KLF13: variants seen among roughly 807,000 people sequenced by gnomAD.
KLF13 encodes the protein KLF transcription factor 13.
In KLF13, 8 loss-of-function variants were observed where a neutral mutation model predicts 16.7. That is an observed-to-expected ratio of 0.48 (90% CI 0.28 to 0.87). The LOEUF is 0.87. KLF13 is among the 40% of genes least tolerant of loss of function. The pLI is 0.10. For missense variants in KLF13, 447 were observed against 452.2 expected (o/e 0.99, Z 0.10); for synonymous variants, 245 against 208.4 (o/e 1.18, Z -1.51).
At chr15:31,368,638 G>A (rs983685012) in intron 1 of KLF13, among the ~76,000 whole-genome samples, 2 of 152,172 alleles carry the variant, frequency 1.3e-5, no homozygotes, top group Admixed American at 1.3e-4. Flanking sequence ...CAGATCACTT[G>A]AGGTCAGGAG....
Position 31,372,125 on chromosome 15 carries a change from C to T in KLF13, c.693C>T (p.Ile231=). The change falls in exon 2 of 2, where the codon ATC becomes ATT. Residue 231 remains isoleucine (I), a synonymous_variant. Transcript: ENST00000307145. ...HTGEKKFSCP[I]CEKRFMRSDH... ...GCGAGAAGAAGTTCAGCTGCCCCAT[C>T]TGCGAGAAGCGCTTCATGCGCAGCG... 6.2e-7 allele frequency: 1 copy of T among 1,613,128 alleles called. No homozygotes were observed. Among genetic ancestry groups the T allele is most frequent in the South Asian group, 1.1e-5 (1 of 91,090 alleles).
chr15:31,404,871 A>C (rs575214451), downstream of KLF13: 8 of 152,400 alleles, frequency 5.2e-5, no homozygotes, highest in South Asian at 1.7e-3. Context: ...TAGGGTCCAC[A>C]GTTTGGGAAG....
chr15:31,370,049 T>TC (rs200158090), intron 1 of KLF13, among the ~76,000 whole-genome samples: 3 of 149,134 alleles, frequency 2.0e-5, no homozygotes, highest in African/African-American at 7.3e-5. Context: ...TTTTTCTTTT[T>TC]TTTTTTTTTT....
Position 31,394,791 on chromosome 15 carries a change from T to C in KLF13, n.529+1100T>C, listed in dbSNP as rs1056018746. Among the ~76,000 whole-genome samples the C allele has an allele frequency of 2.6e-5, 4 of 152,224 alleles. No individual in the cohort carries two copies. In the South Asian group the frequency reaches 8.3e-4, roughly 31 times the overall value. ...CCTCAAAATAAAACCCTGTACCCTT[T>C]AGCTATCACCCCGATATTCCCCCAT... On this transcript the variant is annotated intron_variant and non_coding_transcript_variant, in intron 2 of 2. Transcript: ENST00000500533.
At chr15:31,359,092 C>G (rs2039343123) in intron 1 of KLF13, among the ~76,000 whole-genome samples, 1 of 152,212 alleles carries the variant, frequency 6.6e-6, no homozygotes, top group African/African-American at 2.4e-5. Flanking sequence ...CACCGTTCAT[C>G]TGGAGAAGGC....
chr15:31,375,500 A>G lies in KLF13; in HGVS notation c.*3201A>G, dbSNP rs961239079. 2 of 151,998 alleles carry G rather than the reference A, an allele frequency of 1.3e-5. No individual in the cohort carries two copies. Among genetic ancestry groups the G allele is most frequent in the African/African-American group, 2.4e-5 (1 of 41,298 alleles). The allele number at this position is 151,998 out of a possible 1,614,324, so 9.4% of individuals were successfully genotyped here. ...TGAAAACTCAAACCCTTATTTTGGG[A>G]CTTCAGTTCTCGTGGTCCATAGGGG... On this transcript the variant is annotated 3_prime_UTR_variant, in exon 2 of 2. Transcript: ENST00000307145.
intron 2 of KLF13, among the ~76,000 whole-genome samples, chr15:31,394,607 G>C (rs2039929764): frequency 6.6e-6 from 1 of 152,178 alleles, no homozygotes; most frequent in Non-Finnish European, 1.5e-5. Flanking sequence ...GGGCAGAGAG[G>C]ATGGAGGTGG....
downstream of KLF13, among the ~76,000 whole-genome samples, chr15:31,380,248 C>T (rs546925708): frequency 1.3e-5 from 2 of 152,284 alleles, no homozygotes; most frequent in East Asian, 1.9e-4. Context: ...GCCGAGATCA[C>T]GCAACTGCAC....
chr15:31,327,571 C>T lies in KLF13; in HGVS notation c.359C>T (p.Pro120Leu), dbSNP rs767027693. 93 of 1,157,698 alleles carry T rather than the reference C, an allele frequency of 8.0e-5. 1 individual carries two copies. The highest frequency in any genetic ancestry group is 8.1e-5 in the East Asian group (2 of 24,764). The allele number at this position is 1,157,698 out of a possible 1,614,324, so 71.7% of individuals were successfully genotyped here. A position where few individuals can be genotyped will look rare whatever the true frequency, so the allele number is the denominator to read the frequency against. Residue 120 changes from proline (P) to leucine (L), a missense_variant, in exon 1 of 2, where the codon CCG becomes CTG. This residue lies in a region of KLF13 where 359 missense variants were observed against 282.8 expected (regional missense o/e 1.27). Coordinates refer to ENST00000307145, the MANE Select transcript of KLF13 (RefSeq NM_015995.4). Reference sequence around the variant, plus strand: ...GGCGCGGCGGCCGCGCCCCCCAGCCCGGCGTGGAGCGAGCCGGAGCCCGAG... The same window carrying T: ...GGCGCGGCGGCCGCGCCCCCCAGCCTGGCGTGGAGCGAGCCGGAGCCCGAG... ...AEGAAAAPPSPAWSEPEPEAG... is the reference protein window; with the variant it reads ...AEGAAAAPPSLAWSEPEPEAG...
intron 1 of KLF13, among the ~76,000 whole-genome samples, chr15:31,332,242 T>C (rs1377470456): frequency 6.6e-6 from 1 of 152,220 alleles, no homozygotes; most frequent in Middle Eastern, 3.2e-3. Context: ...CCACACTTGT[T>C]AGTCCCCGCT....
At chr15:31,424,207 A>G (rs1432278412) in intron 1 of KLF13, among the ~76,000 whole-genome samples, 1 of 152,188 alleles carries the variant, frequency 6.6e-6, no homozygotes, top group Non-Finnish European at 1.5e-5. Context: ...AAAAAATTGA[A>G]GAAAAAGGAA....
intron 1 of KLF13, among the ~76,000 whole-genome samples, chr15:31,337,466 C>T (rs960869295): frequency 2.6e-5 from 4 of 152,188 alleles, no homozygotes; most frequent in Admixed American, 6.5e-5. Flanking sequence ...ATGGCAGGCC[C>T]TTTCTAAAAT....
intron 2 of KLF13, chr15:31,403,380 C>T (rs922854754): frequency 6.6e-6 from 1 of 152,138 alleles, no homozygotes; most frequent in Non-Finnish European, 1.5e-5. Flanking sequence ...CTTTAGAGGC[C>T]CCACCATACA....
Position 31,327,655 on chromosome 15 carries a change from G to C in KLF13, c.443G>C (p.Arg148Thr), listed in dbSNP as rs745902119. The C allele has an allele frequency of 6.7e-7, 1 of 1,482,280 alleles. No homozygotes were observed. The highest frequency in any genetic ancestry group is 1.2e-5 in the South Asian group (1 of 80,520). 91.8% of individuals were successfully genotyped at this position (1,482,280 alleles called of 1,614,324 possible). The part of the protein sequence containing the change: ...GPAGSGEPGL[R>T]QRVRRGRSRA... ...GCGGGGAGCGGCGAGCCCGGCCTCA[G>C]ACAAAGGGTCCGGCGGGGCCGAAGT... Residue 148 changes from arginine to threonine, a missense_variant, in exon 1 of 2, where the codon AGA becomes ACA. Physicochemically the swap from Arg to Thr is moderately conservative, Grantham distance 71. Transcript: ENST00000307145.
At chr15:31,423,468 C>A (rs1323528516) in intron 1 of KLF13, among the ~76,000 whole-genome samples, 1 of 151,646 alleles carries the variant, frequency 6.6e-6, no homozygotes, top group African/African-American at 2.4e-5. Flanking sequence ...CCCGTCTCTA[C>A]TAAAAATACA....
rs566769523 is a variant in KLF13, at chr15:31,332,159, G to T, written c.577+4370G>T. On this transcript the variant is annotated intron_variant, in intron 1 of 1. Transcript: ENST00000307145. ...TCTGTAGGATTGAGACCTAGTGGTG[G>T]TATTGACAGGGTTGATAAGTGTTGG... Among the ~76,000 whole-genome samples, 352 of 152,308 alleles carry T rather than the reference G, an allele frequency of 2.3e-3. 1 individual carries two copies. Among genetic ancestry groups the T allele is most frequent in the Non-Finnish European group, 3.5e-3 (241 of 68,038 alleles).
At chr15:31,419,026 G>T (rs2040289210) in intron 1 of KLF13, among the ~76,000 whole-genome samples, 1 of 152,168 alleles carries the variant, frequency 6.6e-6, no homozygotes, top group South Asian at 2.1e-4. Flanking sequence ...AGGAAGCTTG[G>T]TGCTGGCATC....
At chr15:31,365,367 T>C (rs1482278486) in intron 1 of KLF13, among the ~76,000 whole-genome samples, 2 of 152,158 alleles carry the variant, frequency 1.3e-5, no homozygotes, top group Non-Finnish European at 2.9e-5. Context: ...TTCCAGGACC[T>C]CCCGGTAGGA....
intron 1 of KLF13, among the ~76,000 whole-genome samples, chr15:31,411,096 A>C (rs2040188156): frequency 6.6e-6 from 1 of 152,236 alleles, no homozygotes; most frequent in Non-Finnish European, 1.5e-5. Context: ...CATTTAAGGC[A>C]GAAATAATAC....
Sources: allele counts gnomAD v4.1 joint callset (sites outside exome capture counted in the v4.1 genomes callset), GRCh38; gene constraint gnomAD v4.1.1; regional missense constraint gnomAD v4.1.1; transcripts MANE v1.5; gene names NCBI Gene and HGNC (gene_info 2026-07-23, HGNC 2026-07-21).